Variants in PRKN observed in about 807,000 individuals in gnomAD.
PRKN encodes parkin RBR E3 ubiquitin protein ligase.
A neutral mutation model predicts 59.5 loss-of-function variants in PRKN; 56 were observed. The ratio of observed to expected loss-of-function variants is 0.94; its 90% confidence interval spans 0.76 to 1.18. The LOEUF is 1.18. Among genes scored for constraint, PRKN ranks in the 50% most tolerant of loss-of-function variants. PRKN has a pLI of 0.00. For missense variants in PRKN, 657 were observed against 596.4 expected (o/e 1.10, Z -1.06); for synonymous variants, 250 against 222.1 (o/e 1.13, Z -1.12).
At chr6:162,262,034 T>G (rs1779910089) in intron 3 of PRKN, among the ~76,000 whole-genome samples, 1 of 152,180 alleles carries the variant, frequency 6.6e-6, no homozygotes. Context: ...ATTAATTCTA[T>G]TACACCTTTG....
intron 6 of PRKN, among the ~76,000 whole-genome samples, chr6:161,807,847 C>G (rs1791400951): frequency 6.6e-6 from 1 of 152,194 alleles, no homozygotes; most frequent in Non-Finnish European, 1.5e-5. Context: ...ACTCCATTTC[C>G]AAATAAACTG....
chr6:162,269,260 T>C (rs1028352058), intron 2 of PRKN, among the ~76,000 whole-genome samples: 2 of 152,212 alleles, frequency 1.3e-5, no homozygotes, highest in Middle Eastern at 3.4e-3. Context: ...TAAGAAAAAA[T>C]ACTGCAACTG....
rs1469494693 is a variant in PRKN at position 161,356,504 on chromosome 6, T to A, written c.1285+3584A>T. On this transcript the variant is annotated intron_variant, in intron 11 of 11. Transcript: ENST00000366898. The surrounding 1 kb of genome is among the most constrained non-coding windows in gnomAD (Gnocchi z 7.8). ...AGGACGGATCATAAATATGCGAGAGTGGAGGCGAGAGCCCTTTTGGGAAGC... is the reference window on the plus strand; with the variant it reads ...AGGACGGATCATAAATATGCGAGAGAGGAGGCGAGAGCCCTTTTGGGAAGC... Among the ~76,000 whole-genome samples the A allele has an allele frequency of 6.6e-6, 1 of 151,486 alleles. No homozygotes were observed. The highest frequency in any genetic ancestry group is 6.6e-5 in the Admixed American group (1 of 15,200).
At chr6:162,496,910 C>T (rs1893107) in intron 1 of PRKN, among the ~76,000 whole-genome samples, 77,323 of 152,012 alleles carry the variant, frequency 0.51, 19,714 homozygotes, top group Middle Eastern at 0.58. Context: ...TGCCACTGTC[C>T]TGGTTTACAG....
chr6:162,018,613 C>T (rs1783018221), intron 5 of PRKN, among the ~76,000 whole-genome samples: 2 of 152,166 alleles, frequency 1.3e-5, no homozygotes, highest in Non-Finnish European at 2.9e-5. Flanking sequence ...GAATGATTTA[C>T]AATTAGTATA....
intron 1 of PRKN, among the ~76,000 whole-genome samples, chr6:162,483,209 T>C (rs1792384780): frequency 6.6e-6 from 1 of 152,028 alleles, no homozygotes; most frequent in South Asian, 2.1e-4. Context: ...CGAGTCTGGG[T>C]CCTCTCTGAG....
chr6:162,190,212 T>C (rs903407197), intron 4 of PRKN, among the ~76,000 whole-genome samples: 3 of 152,170 alleles, frequency 2.0e-5, no homozygotes, highest in Non-Finnish European at 4.4e-5. Context: ...CTAGTCACTT[T>C]ACAAATCATA....
At chr6:161,621,411 A>G (rs1213076017) in intron 7 of PRKN, among the ~76,000 whole-genome samples, 1 of 152,052 alleles carries the variant, frequency 6.6e-6, no homozygotes, top group African/African-American at 2.4e-5. Context: ...GTGCTGATGA[A>G]AGTCCTTGAG....
chr6:161,393,412 CTT>C lies in PRKN; in HGVS notation c.1084-6537_1084-6536del, dbSNP rs948333983. ...CTGTCTAGAAAGGGATGAGGCCTCT[CTT>C]TGCTGGTATACATGCTGAGGTAAGT... On this transcript the variant is annotated intron_variant, in intron 9 of 11. Coordinates refer to ENST00000366898, the MANE Select transcript of PRKN (RefSeq NM_004562.3). This position sits in a 1 kb window ranked among gnomAD's most constrained non-coding sequence, Gnocchi z 4.7. 6.6e-6 allele frequency among the ~76,000 whole-genome samples: 1 copy of C among 152,160 alleles called. No individual in the cohort carries two copies. The highest frequency in any genetic ancestry group is 1.5e-5 in the Non-Finnish European group (1 of 68,044).
intron 1 of PRKN, among the ~76,000 whole-genome samples, chr6:162,539,898 CA>C (rs1272551531): frequency 1.3e-5 from 2 of 151,302 alleles, no homozygotes; most frequent in Middle Eastern, 3.2e-3. Context: ...AGTTATTTCT[CA>C]AAAAAAAATT....
intron 9 of PRKN, among the ~76,000 whole-genome samples, chr6:161,485,582 G>C (rs1791609994): frequency 6.6e-6 from 1 of 152,150 alleles, no homozygotes; most frequent in South Asian, 2.1e-4. Flanking sequence ...TCAAAGTTTA[G>C]AGGAATACGA....
At chr6:162,287,411 T>C (rs1781240552) in intron 2 of PRKN, among the ~76,000 whole-genome samples, 1 of 151,868 alleles carries the variant, frequency 6.6e-6, no homozygotes, top group Non-Finnish European at 1.5e-5. Flanking sequence ...TACAAAAAAA[T>C]ATAAAAATCA....
chr6:162,454,377 G>C (rs1423163259), intron 1 of PRKN, among the ~76,000 whole-genome samples: 1 of 152,116 alleles, frequency 6.6e-6, no homozygotes, highest in Non-Finnish European at 1.5e-5. Flanking sequence ...GATATCTTCT[G>C]TTTAAATAGA....
intron 6 of PRKN, among the ~76,000 whole-genome samples, chr6:161,900,640 T>TTA (rs1777864231): frequency 4.9e-5 from 5 of 102,366 alleles, no homozygotes; most frequent in African/African-American, 3.6e-5. Flanking sequence ...ATACTATATA[T>TTA]TATATATTAT....
At position 161,424,327 on chromosome 6, in the gene PRKN, A is replaced by G. The variant is rs1289229158; in HGVS notation, c.1084-37450T>C. 2.3e-4 allele frequency among the ~76,000 whole-genome samples: 28 copies of G among 121,402 alleles called. No individual in the cohort carries two copies. The East Asian group carries it at 7.2e-3, about 31-fold the overall frequency. The allele number at this position is 121,402 out of a possible 152,430, so 79.6% of individuals were successfully genotyped here. ...ACTCTGGTCTGGGAGACAGAGGGAGATTCTGTCTCAAAAAAAAAAAAAAAA... is the reference window on the plus strand; with the variant it reads ...ACTCTGGTCTGGGAGACAGAGGGAGGTTCTGTCTCAAAAAAAAAAAAAAAA... On this transcript the variant is annotated intron_variant, in intron 9 of 11. Transcript: ENST00000366898.
intron 1 of PRKN, among the ~76,000 whole-genome samples, chr6:162,491,590 C>T (rs983394168): frequency 9.2e-5 from 14 of 152,194 alleles, no homozygotes; most frequent in South Asian, 2.1e-4. Context: ...GCTCGTGGGA[C>T]GCCCATGGAG....
rs532389487 is a variant in PRKN, at chr6:161,428,303, A to C, written c.1084-41426T>G. Among the ~76,000 whole-genome samples, 1 of 152,298 alleles carries C rather than the reference A, an allele frequency of 6.6e-6. No individual in the cohort carries two copies. The highest frequency in any genetic ancestry group is 1.9e-4 in the East Asian group (1 of 5,182). ...TTCCATTGACTGCTACCTGATATTG[A>C]GGAAGGTATAAGGTGTCAGATTCCT... On this transcript the variant is annotated intron_variant, in intron 9 of 11. Transcript: ENST00000366898. This position sits in a 1 kb window ranked among gnomAD's most constrained non-coding sequence, Gnocchi z 4.0.
At chr6:162,570,961 G>A (rs1196691352) in intron 1 of PRKN, among the ~76,000 whole-genome samples, 1 of 152,100 alleles carries the variant, frequency 6.6e-6, no homozygotes, top group East Asian at 1.9e-4. Flanking sequence ...TAACTCAAAG[G>A]ATAAATGCTT....
intron 1 of PRKN, chr6:162,694,603 C>T (rs1368777903): frequency 1.3e-5 from 2 of 152,142 alleles, no homozygotes; most frequent in Non-Finnish European, 2.9e-5. Context: ...CTGTGACTAA[C>T]CTGACAACAA....
Sources: gnomAD v4.1 joint callset for allele counts (sites outside exome capture counted in the v4.1 genomes callset) on GRCh38, gnomAD v4.1.1 for gene constraint, Gnocchi (gnomAD v3.1) non-coding constraint, MANE v1.5 for transcripts, NCBI Gene and HGNC (gene_info 2026-07-23, HGNC 2026-07-21) for gene names.